Variants in ARL8B observed in about 807,000 individuals in gnomAD.
The protein encoded by ARL8B is ARF like GTPase 8B.
In ARL8B, 9 loss-of-function variants were observed where a neutral mutation model predicts 30.6. The ratio of observed to expected loss-of-function variants is 0.29; its 90% confidence interval spans 0.18 to 0.51. ARL8B has a LOEUF of 0.51. ARL8B is among the 20% of genes least tolerant of loss of function. The probability of loss-of-function intolerance (pLI) is 0.97; values close to 1 mark genes in which losing one functional copy is unlikely to be tolerated. For synonymous variants in ARL8B, 74 were observed against 76.0 expected, an observed-to-expected ratio of 0.97 and a Z score of 0.14; for missense variants, 130 against 227.2, an observed-to-expected ratio of 0.57 and a Z score of 2.75.
chr3:5,154,604 A>G (rs78824089), intron 1 of ARL8B, among the ~76,000 whole-genome samples: 1,931 of 152,230 alleles, frequency 0.013, 33 homozygotes, highest in African/African-American at 0.045. Context: ...ATTGAATGCA[A>G]CCATTACTGC....
chr3:5,126,385 T>C (rs2054230118), intron 1 of ARL8B, among the ~76,000 whole-genome samples: 1 of 152,234 alleles, frequency 6.6e-6, no homozygotes, highest in African/African-American at 2.4e-5. Context: ...CATTTACTTA[T>C]TCACATTTAA....
chr3:5,135,877 C>A (rs888186334), intron 1 of ARL8B, among the ~76,000 whole-genome samples: 73 of 151,246 alleles, frequency 4.8e-4, no homozygotes, highest in African/African-American at 1.7e-3. Context: ...ACCTCCACCT[C>A]CCAGGTTCAC....
In ARL8B at chr3:5,122,390, G is replaced by A. The variant is rs767541903; in HGVS notation, c.-76G>A. 1.6e-5 allele frequency: 25 copies of A among 1,599,436 alleles called. No homozygotes were observed. The highest frequency in any genetic ancestry group is 2.1e-5 in the Non-Finnish European group (25 of 1,174,508). ...AAGGAGCCGTTGGAGGGTCCGGGCGGAGGCCCGCTCGTGTGGAAGTCGTCG... is the reference window on the plus strand; with the variant it reads ...AAGGAGCCGTTGGAGGGTCCGGGCGAAGGCCCGCTCGTGTGGAAGTCGTCG... On this transcript the variant is annotated 5_prime_UTR_variant, in exon 1 of 7. Transcript: ENST00000256496.
chr3:5,157,922 C>T (rs2054546583), intron 1 of ARL8B: 3 of 151,862 alleles, frequency 2.0e-5, no homozygotes, highest in Admixed American at 2.0e-4. Context: ...AGTTCTAGTT[C>T]CCTTCTCAAA....
At position 5,124,782 on chromosome 3, in the gene ARL8B, G is replaced by A. The variant is rs1213599016; in HGVS notation, c.123+2194G>A. 2.6e-5 allele frequency among the ~76,000 whole-genome samples: 4 copies of A among 152,184 alleles called. No individual in the cohort carries two copies. The East Asian group carries it at 7.7e-4, about 29-fold the overall frequency. ...CCTGCTAGAGCTTTTATATAATATG[G>A]AAAAGATGAGGCATAAGCTTGAGTG... On this transcript the variant is annotated intron_variant, in intron 1 of 6. Coordinates refer to ENST00000256496, the MANE Select transcript of ARL8B (RefSeq NM_018184.3).
At chr3:5,142,224 C>T (rs1211059136) in intron 1 of ARL8B, among the ~76,000 whole-genome samples, 1 of 152,108 alleles carries the variant, frequency 6.6e-6, no homozygotes, top group Non-Finnish European at 1.5e-5. Flanking sequence ...CGAGTGATTG[C>T]CATCGCCTGA....
intron 1 of ARL8B, among the ~76,000 whole-genome samples, chr3:5,131,945 A>G (rs1295154830): frequency 2.0e-5 from 3 of 152,190 alleles, no homozygotes; most frequent in East Asian, 3.9e-4. Flanking sequence ...GTAAAGTGGC[A>G]TAATCATGGC....
In ARL8B at chr3:5,132,257, T is replaced by C. The variant is rs146457478; in HGVS notation, c.123+9669T>C. 2.4e-3 allele frequency among the ~76,000 whole-genome samples: 366 copies of C among 151,974 alleles called. 1 individual carries two copies. Among genetic ancestry groups the C allele is most frequent in the Middle Eastern group, 6.8e-3 (2 of 294 alleles). ...TGATCATATTCCCTATGATCATCAT[T>C]ATTATTTTTTTTTTTGAGGCAGAGT... On this transcript the variant is annotated intron_variant, in intron 1 of 6. Coordinates refer to ENST00000256496, the MANE Select transcript of ARL8B (RefSeq NM_018184.3).
At chr3:5,170,684 C>T (rs2054664824) in intron 2 of ARL8B, 101 bp downstream of exon 2, 1 of 787,304 alleles carries the variant, frequency 1.3e-6, no homozygotes, top group South Asian at 1.8e-5. Context: ...TGCAGTTTTT[C>T]AGTAATGAAT....
chr3:5,122,597 C>T lies in ARL8B; in HGVS notation c.123+9C>T, dbSNP rs2054191263. ...TCGTCAATGTCATCGCGGTGAGCGCCCGCCCACTCACTCGCCCGGGGCTCC... is the reference window on the plus strand; with the variant it reads ...TCGTCAATGTCATCGCGGTGAGCGCTCGCCCACTCACTCGCCCGGGGCTCC... On this transcript the variant is annotated intron_variant, in intron 1 of 6. Transcript: ENST00000256496. 1 of 1,594,488 alleles carries T rather than the reference C, an allele frequency of 6.3e-7. No individual in the cohort carries two copies. Among genetic ancestry groups the T allele is most frequent in the Non-Finnish European group, 8.6e-7 (1 of 1,167,698 alleles).
intron 1 of ARL8B, among the ~76,000 whole-genome samples, chr3:5,127,555 A>C (rs1210430762): frequency 6.6e-6 from 1 of 152,190 alleles, no homozygotes; most frequent in Non-Finnish European, 1.5e-5. Flanking sequence ...AGAAGGAATG[A>C]TAATCTGTGG....
At chr3:5,173,805 A>G (rs2054700496) in intron 4 of ARL8B, among the ~76,000 whole-genome samples, 1 of 152,254 alleles carries the variant, frequency 6.6e-6, no homozygotes, top group Admixed American at 6.5e-5. Flanking sequence ...TGGCAGCCAC[A>G]TACTGAATTA....
chr3:5,145,845 T>C (rs942223362), intron 1 of ARL8B, among the ~76,000 whole-genome samples: 1 of 152,204 alleles, frequency 6.6e-6, no homozygotes, highest in African/African-American at 2.4e-5. Context: ...ATTCCTGATA[T>C]TCTCTCTGGG....
At chr3:5,174,572 C>G (rs2054708232) in intron 6 of ARL8B, among the ~76,000 whole-genome samples, 158 bp downstream of exon 6, 1 of 150,792 alleles carries the variant, frequency 6.6e-6, no homozygotes, top group Non-Finnish European at 1.5e-5. Context: ...CTTTTGACAA[C>G]AAATATAGTG....
chr3:5,125,572 G>T (rs1424946016), intron 1 of ARL8B, among the ~76,000 whole-genome samples: 1 of 145,360 alleles, frequency 6.9e-6, no homozygotes, highest in Admixed American at 7.1e-5. Context: ...CCGCTGTGTT[G>T]CCCAGGCTGG....
chr3:5,138,146 A>G (rs1156583303), intron 1 of ARL8B, among the ~76,000 whole-genome samples: 2 of 146,316 alleles, frequency 1.4e-5, no homozygotes, highest in African/African-American at 5.1e-5. Context: ...ATTTGGTTGT[A>G]GTTAATAGTT....
chr3:5,142,306 A>G (rs2054381516), intron 1 of ARL8B, among the ~76,000 whole-genome samples: 1 of 152,120 alleles, frequency 6.6e-6, no homozygotes, highest in African/African-American at 2.4e-5. Flanking sequence ...TCTGCCCCCT[A>G]TCTAGAGAGG....
At position 5,180,143 on chromosome 3, in the gene ARL8B, C is replaced by T. The variant is rs1473667222; in HGVS notation, c.*1430C>T. The T allele has an allele frequency of 6.6e-6, 1 of 152,626 alleles. No individual in the cohort carries two copies. The highest frequency in any genetic ancestry group is 2.4e-5 in the African/African-American group (1 of 41,450). 9.5% of individuals were successfully genotyped at this position (152,626 alleles called of 1,614,324 possible). A position where few individuals can be genotyped will look rare whatever the true frequency, so the allele number is the denominator to read the frequency against. On this transcript the variant is annotated 3_prime_UTR_variant, in exon 7 of 7. Coordinates refer to ENST00000256496, the MANE Select transcript of ARL8B (RefSeq NM_018184.3). ...TGCATTTCCAAATGTGTTGAGCACT[C>T]AGAGTGTAGTCAACAGTAAGTTCTT...
chr3:5,127,225 T>C (rs1476818263), intron 1 of ARL8B, among the ~76,000 whole-genome samples: 4 of 152,220 alleles, frequency 2.6e-5, no homozygotes, highest in African/African-American at 9.6e-5. Flanking sequence ...ACAAAGCTAA[T>C]TCGTAGCAGA....
Sources: allele counts gnomAD v4.1 joint callset (sites outside exome capture counted in the v4.1 genomes callset), GRCh38; gene constraint gnomAD v4.1.1; transcripts MANE v1.5; gene names NCBI Gene and HGNC (gene_info 2026-07-23, HGNC 2026-07-21).